The following VAT1L variants were observed in gnomAD, a reference collection of about 807,000 sequenced individuals.
The protein encoded by VAT1L is putative NADPH-dependent quinone oxidoreductase VAT1L.
In VAT1L, 34 loss-of-function variants were observed where a neutral mutation model predicts 44.1. The ratio of observed to expected loss-of-function variants is 0.77; its 90% CI spans 0.59 to 1.03. The LOEUF is 1.03. Among genes scored for constraint, VAT1L ranks in the 50% least tolerant of loss-of-function variants. The probability of loss-of-function intolerance (pLI) is 0.00; values close to 1 mark genes in which losing one functional copy is unlikely to be tolerated. For synonymous variants in VAT1L, 253 were observed against 202.2 expected (o/e 1.25, Z -2.13); for missense variants, 615 against 538.8 (o/e 1.14, Z -1.40).
intron 3 of VAT1L, among the ~76,000 whole-genome samples, chr16:77,842,301 T>C (rs908793675): frequency 1.3e-5 from 2 of 152,150 alleles, no homozygotes; most frequent in African/African-American, 4.8e-5. Flanking sequence ...TGTAGATCTA[T>C]AGATGGGTGC....
At chr16:77,917,256 AG>A (rs974641715) in intron 7 of VAT1L, among the ~76,000 whole-genome samples, 3 of 152,134 alleles carry the variant, frequency 2.0e-5, no homozygotes, top group Non-Finnish European at 4.4e-5. Flanking sequence ...CCAGAAGGGG[AG>A]AAAAATTGGA....
intron 1 of VAT1L, among the ~76,000 whole-genome samples, chr16:77,805,480 G>A (rs752044660): frequency 1.5e-4 from 22 of 151,404 alleles, no homozygotes; most frequent in Non-Finnish European, 2.5e-4. Flanking sequence ...ACCCCGCATG[G>A]ATTGGGAGTT....
chr16:77,855,698 C>T (rs1001560739), intron 3 of VAT1L, among the ~76,000 whole-genome samples: 2 of 152,184 alleles, frequency 1.3e-5, no homozygotes, highest in African/African-American at 4.8e-5. Context: ...GTTTATATTT[C>T]TGGCACCTCT....
intron 7 of VAT1L, among the ~76,000 whole-genome samples, chr16:77,930,217 T>C (rs1299458872): frequency 6.6e-6 from 1 of 152,166 alleles, no homozygotes; most frequent in Non-Finnish European, 1.5e-5. Context: ...GTTGTTGAGA[T>C]GAACCACTGA....
In VAT1L at chr16:77,825,243, C is replaced by T. The variant is rs199844401; in HGVS notation, c.364-3C>T. The T allele has an allele frequency of 6.4e-5, 104 of 1,613,876 alleles. 1 individual carries two copies. The highest frequency in any genetic ancestry group is 1.4e-5 in the Non-Finnish European group (17 of 1,180,028). On this transcript the variant is annotated splice_polypyrimidine_tract_variant and splice_region_variant and intron_variant, in intron 2 of 8. Coordinates refer to ENST00000302536, the MANE Select transcript of VAT1L (RefSeq NM_020927.3). ...CACTAACTCTGTGTTTCCCCATGCC[C>T]AGATTGGAGACCGTGTCATGGCATT... is the stretch of plus-strand genomic sequence containing the variant.
chr16:77,933,418 C>T (rs929977182), intron 7 of VAT1L, among the ~76,000 whole-genome samples: 1 of 152,228 alleles, frequency 6.6e-6, no homozygotes, highest in African/African-American at 2.4e-5. Flanking sequence ...ATTCATTAAA[C>T]ACCTACCTGA....
At chr16:77,919,202 C>T (rs1020594363) in intron 7 of VAT1L, among the ~76,000 whole-genome samples, 12 of 146,180 alleles carry the variant, frequency 8.2e-5, no homozygotes, top group African/African-American at 2.7e-4. Context: ...GTTTCAGCAG[C>T]TTTCTCTGCA....
intron 7 of VAT1L, among the ~76,000 whole-genome samples, chr16:77,921,314 C>G (rs2017609164): frequency 6.6e-6 from 1 of 152,178 alleles, no homozygotes; most frequent in South Asian, 2.1e-4. Flanking sequence ...TGACATTCCC[C>G]TATGTTTGCA....
intron 7 of VAT1L, among the ~76,000 whole-genome samples, chr16:77,949,832 C>G (rs576814461): frequency 2.0e-5 from 3 of 152,222 alleles, no homozygotes; most frequent in Non-Finnish European, 4.4e-5. Flanking sequence ...GGGACTAATA[C>G]AGCAGGTGAG....
At chr16:77,836,341 A>G (rs993331185) in intron 3 of VAT1L, among the ~76,000 whole-genome samples, 5 of 152,078 alleles carry the variant, frequency 3.3e-5, no homozygotes, top group Non-Finnish European at 5.9e-5. Context: ...ATGGCCAGAT[A>G]CCTGGTCCCC....
intron 3 of VAT1L, among the ~76,000 whole-genome samples, chr16:77,841,795 G>T (rs936684177): frequency 3.9e-5 from 6 of 152,222 alleles, no homozygotes; most frequent in Admixed American, 6.5e-5. Flanking sequence ...CTCAACTGGT[G>T]CAAGGAAAAG....
At chr16:77,843,571 G>A (rs1298813229) in intron 3 of VAT1L, among the ~76,000 whole-genome samples, 1 of 152,212 alleles carries the variant, frequency 6.6e-6, no homozygotes, top group Non-Finnish European at 1.5e-5. Flanking sequence ...GACACGTCCA[G>A]TCAGGAATGC....
At chr16:77,925,652 C>G (rs542681688) in intron 7 of VAT1L, among the ~76,000 whole-genome samples, 3 of 152,294 alleles carry the variant, frequency 2.0e-5, no homozygotes, top group African/African-American at 7.2e-5. Context: ...TACAGTTTCC[C>G]TTCCTAAAAT....
chr16:77,889,114 C>T (rs1433219271), intron 7 of VAT1L, among the ~76,000 whole-genome samples: 2 of 152,162 alleles, frequency 1.3e-5, no homozygotes, highest in African/African-American at 4.8e-5. Context: ...TTTTCCCCTC[C>T]CGTTTGGTAA....
At chr16:77,949,461 T>G (rs1298905205) in intron 7 of VAT1L, among the ~76,000 whole-genome samples, 1 of 152,214 alleles carries the variant, frequency 6.6e-6, no homozygotes, top group Non-Finnish European at 1.5e-5. Context: ...AAACCTCATG[T>G]GGAAATTTGA....
chr16:77,942,839 G>C (rs1279723558), intron 7 of VAT1L, among the ~76,000 whole-genome samples: 1 of 151,978 alleles, frequency 6.6e-6, no homozygotes, highest in African/African-American at 2.4e-5. Context: ...CCGCCTCCCG[G>C]GTTCAAGCGA....
At chr16:77,962,763 G>GGAAGGAAGGAAGGAAGGAAGGAAC (rs1555523127) in intron 7 of VAT1L, among the ~76,000 whole-genome samples, 1 of 151,422 alleles carries the variant, frequency 6.6e-6, no homozygotes, top group Non-Finnish European at 1.5e-5. Context: ...AAGGAAGGAA[G>GGAAGGAAGGAAGGAAGGAAGGAAC]GAAGGAAGGA....
chr16:77,821,209 A>T (rs1289007025), intron 2 of VAT1L, among the ~76,000 whole-genome samples: 1 of 152,116 alleles, frequency 6.6e-6, no homozygotes, highest in Non-Finnish European at 1.5e-5. Flanking sequence ...AGAGGGAGCT[A>T]GTCATGTAAA....
intron 7 of VAT1L, among the ~76,000 whole-genome samples, chr16:77,930,061 C>T (rs952177598): frequency 6.6e-6 from 1 of 152,158 alleles, no homozygotes; most frequent in Non-Finnish European, 1.5e-5. Context: ...GCCCATACTC[C>T]TTATCCCTTT....
Sources: allele counts gnomAD v4.1 joint callset (sites outside exome capture counted in the v4.1 genomes callset), GRCh38; gene constraint gnomAD v4.1.1; transcripts MANE v1.5; gene names NCBI Gene and HGNC (gene_info 2026-07-23, HGNC 2026-07-21).